BICC1: variants seen among roughly 807,000 people sequenced by gnomAD.
The protein encoded by BICC1 is protein bicaudal C homolog 1.
Under a neutral mutation model 111.0 loss-of-function variants are expected in BICC1, and 43 were observed. The ratio of observed to expected loss-of-function variants is 0.39; its 90% CI spans 0.30 to 0.50. The LOEUF (loss-of-function observed/expected upper bound fraction) is 0.50. BICC1 is among the 20% of genes least tolerant of loss of function. The pLI, the probability that BICC1 is intolerant of heterozygous loss-of-function variation, is 0.88. For missense variants in BICC1, 1,091 were observed against 1,203.2 expected, an observed-to-expected ratio of 0.91 and a Z score of 1.38; for synonymous variants, 467 against 434.4, an observed-to-expected ratio of 1.07 and a Z score of -0.93.
intron 2 of BICC1, among the ~76,000 whole-genome samples, chr10:58,692,715 T>C (rs1252530741): frequency 6.8e-6 from 1 of 147,506 alleles, no homozygotes; most frequent in Non-Finnish European, 1.5e-5. Context: ...ATTGTCATAC[T>C]CAGGAGTCTG....
rs71006209 is a variant in BICC1, at chr10:58,829,191, A to ATTTTTTTTTTTTT, written c.*319_*331dup. ...TACCTATATAACATATGCACTGATG[A>ATTTTTTTTTTTTT]TTTTTTTTTTTTTTTTTTTTTTTTT... On this transcript the variant is annotated 3_prime_UTR_variant, in exon 21 of 21. Transcript: ENST00000373886. 5 of 42,410 alleles carry ATTTTTTTTTTTTT rather than the reference A, an allele frequency of 1.2e-4. No homozygotes were observed. The highest frequency in any genetic ancestry group is 2.5e-4 in the African/African-American group (2 of 8,136). The allele number at this position is 42,410 out of a possible 1,614,324, so 2.6% of individuals were successfully genotyped here. A position where few individuals can be genotyped will look rare whatever the true frequency, so the allele number is the denominator to read the frequency against.
chr10:58,627,098 A>G (rs1239242342), intron 2 of BICC1, among the ~76,000 whole-genome samples: 1 of 152,028 alleles, frequency 6.6e-6, no homozygotes, highest in Admixed American at 6.6e-5. Flanking sequence ...GCAAAACTCC[A>G]TCTCAAAAAA....
In BICC1 at chr10:58,828,906, C is replaced by T; in HGVS notation, c.*15C>T. 18 of 1,613,246 alleles carry T rather than the reference C, an allele frequency of 1.1e-5. No individual in the cohort carries two copies. Among genetic ancestry groups the T allele is most frequent in the Non-Finnish European group, 1.5e-5 (18 of 1,179,516 alleles). On this transcript the variant is annotated 3_prime_UTR_variant, in exon 21 of 21. Transcript: ENST00000373886. ...GCCGCTGGTAGCAGCACCCTCTTGG[C>T]ACATGCCCGCTGACTAACTGTAAAG...
chr10:58,577,472 C>T (rs936451509), intron 1 of BICC1, among the ~76,000 whole-genome samples: 1 of 152,176 alleles, frequency 6.6e-6, no homozygotes, highest in African/African-American at 2.4e-5. Flanking sequence ...ACAATTCCTA[C>T]AGTACTTCTC....
chr10:58,550,270 C>T (rs1456455409), intron 1 of BICC1, among the ~76,000 whole-genome samples: 1 of 152,154 alleles, frequency 6.6e-6, no homozygotes, highest in African/African-American at 2.4e-5. Context: ...AGTCCTCCCA[C>T]CTCAGTCTCC....
chr10:58,737,459 T>C (rs1841507980), intron 3 of BICC1, among the ~76,000 whole-genome samples: 1 of 152,212 alleles, frequency 6.6e-6, no homozygotes, highest in African/African-American at 2.4e-5. Context: ...TAGTATTCCA[T>C]GGTGTATATG....
At chr10:58,709,120 A>G (rs1400626942) in intron 3 of BICC1, among the ~76,000 whole-genome samples, 1 of 152,166 alleles carries the variant, frequency 6.6e-6, no homozygotes, top group Non-Finnish European at 1.5e-5. Flanking sequence ...ATTTAACTGT[A>G]GTCACCCTAC....
At chr10:58,581,700 G>C (rs776736537) in intron 1 of BICC1, among the ~76,000 whole-genome samples, 2 of 151,996 alleles carry the variant, frequency 1.3e-5, no homozygotes, top group Non-Finnish European at 2.9e-5. Context: ...TTTCCTAGAC[G>C]CAATCATACT....
At chr10:58,537,201 C>A (rs985575626) in intron 1 of BICC1, among the ~76,000 whole-genome samples, 1 of 151,810 alleles carries the variant, frequency 6.6e-6, no homozygotes, top group Admixed American at 6.6e-5. Context: ...AGGGAAACCT[C>A]CCTACCTCAT....
chr10:58,727,649 T>C (rs987644615), intron 3 of BICC1, among the ~76,000 whole-genome samples: 47 of 152,130 alleles, frequency 3.1e-4, no homozygotes, highest in African/African-American at 9.4e-4. Context: ...CAAAAGGATT[T>C]CTGGCAAAGT....
At chr10:58,789,230 C>G in intron 6 of BICC1, 32 bp from the exon 7 acceptor site, 1 of 1,578,450 alleles carries the variant, frequency 6.3e-7, no homozygotes. Context: ...TGCTTTAACT[C>G]TCTGCTTTGG....
At position 58,532,288 on chromosome 10, in the gene BICC1, C is replaced by T. The variant is rs187524966; in HGVS notation, c.190+18955C>T. 2.4e-3 allele frequency among the ~76,000 whole-genome samples: 315 copies of T among 133,078 alleles called. 1 individual carries two copies. The highest frequency in any genetic ancestry group is 0.015 in the Middle Eastern group (4 of 264). 87.3% of individuals were successfully genotyped at this position (133,078 alleles called of 152,430 possible). On this transcript the variant is annotated intron_variant, in intron 1 of 20. Transcript: ENST00000373886. ...GAGGGATCTTCAAAAAGTTTGTGGA[C>T]GGTATGTATTATGAAAAAAAAAACT... is the stretch of plus-strand genomic sequence containing the variant.
At chr10:58,513,780 C>T (rs1420678388) in intron 1 of BICC1, among the ~76,000 whole-genome samples, 1 of 152,222 alleles carries the variant, frequency 6.6e-6, no homozygotes, top group African/African-American at 2.4e-5. Context: ...TCCACTTCCT[C>T]CAGCTGAGGG....
intron 3 of BICC1, among the ~76,000 whole-genome samples, chr10:58,760,055 G>A (rs767614953): frequency 2.0e-5 from 3 of 152,004 alleles, no homozygotes; most frequent in Admixed American, 6.6e-5. Flanking sequence ...CACGATGTTA[G>A]CTGCTTTTCA....
At chr10:58,678,020 C>A (rs983108980) in intron 2 of BICC1, among the ~76,000 whole-genome samples, 7 of 152,174 alleles carry the variant, frequency 4.6e-5, no homozygotes, top group African/African-American at 1.7e-4. Context: ...CCAGGCCTGT[C>A]TTACAAGAGC....
At chr10:58,699,955 G>A (rs1294574386) in intron 2 of BICC1, among the ~76,000 whole-genome samples, 1 of 152,166 alleles carries the variant, frequency 6.6e-6, no homozygotes, top group Non-Finnish European at 1.5e-5. Flanking sequence ...GTCTCCCAAA[G>A]TGCTGGGATT....
In BICC1 at chr10:58,513,258, G is replaced by T; in HGVS notation, c.115G>T (p.Ala39Ser). 1 of 1,613,242 alleles carries T rather than the reference G, an allele frequency of 6.2e-7. No homozygotes were observed. Among genetic ancestry groups the T allele is most frequent in the Non-Finnish European group, 8.5e-7 (1 of 1,179,694 alleles). Residue 39 changes from alanine (A) to serine (S), a missense_variant, in exon 1 of 21, where the codon GCG (alanine) becomes TCG (serine). By Grantham distance (99) the Ala-to-Ser change is moderately conservative. Transcript: ENST00000373886. Reference sequence around the variant, plus strand: ...CTCCGAGGACGACTTGGTCGCCGGGGCGACCCTGCACAGCCCGGAGTGGAG... The same window carrying T: ...CTCCGAGGACGACTTGGTCGCCGGGTCGACCCTGCACAGCCCGGAGTGGAG... ...PGSEDDLVAGATLHSPEWSEE... is the reference protein window; with the variant it reads ...PGSEDDLVAGSTLHSPEWSEE...
chr10:58,724,403 ATG>A (rs369203424), intron 3 of BICC1, among the ~76,000 whole-genome samples: 6 of 151,120 alleles, frequency 4.0e-5, no homozygotes, highest in Admixed American at 6.6e-5. Context: ...ATATGTGTGT[ATG>A]TGTGTGTGTG....
chr10:58,659,652 C>T (rs533407786), intron 2 of BICC1, among the ~76,000 whole-genome samples: 108 of 152,168 alleles, frequency 7.1e-4, no homozygotes, highest in Non-Finnish European at 2.4e-4. Context: ...GTACACGGAA[C>T]GCGCATGACA....
Sources: allele counts gnomAD v4.1 joint callset (sites outside exome capture counted in the v4.1 genomes callset), GRCh38; gene constraint gnomAD v4.1.1; transcripts MANE v1.5; gene names NCBI Gene and HGNC (gene_info 2026-07-23, HGNC 2026-07-21).